The following ALPK3 variants were observed in gnomAD, a reference collection of about 807,000 sequenced individuals.
The protein encoded by ALPK3 is alpha-protein kinase 3.
ALPK3 carries 102 observed loss-of-function variants against 140.0 expected under a neutral mutation model. The observed-to-expected ratio is 0.73, with a 90% CI of 0.62 to 0.86. The LOEUF is 0.86. Ranked by LOEUF, ALPK3 falls within the 40% of genes least tolerant of loss-of-function variation. The probability of loss-of-function intolerance (pLI) is 0.00; values close to 1 mark genes in which losing one functional copy is unlikely to be tolerated. For missense variants in ALPK3, 2,254 were observed against 2,208.2 expected (o/e 1.02, Z -0.42); for synonymous variants, 938 against 898.5 (o/e 1.04, Z -0.79).
In ALPK3 at chr15:84,857,365, C is replaced by T. The variant is rs1278507679; in HGVS notation, c.2627C>T (p.Thr876Ile). 1 of 1,614,154 alleles carries T rather than the reference C, an allele frequency of 6.2e-7. No individual in the cohort carries two copies. Among genetic ancestry groups the T allele is most frequent in the Non-Finnish European group, 8.5e-7 (1 of 1,180,044 alleles). Residue 876 changes from threonine (T) to isoleucine (I), a missense_variant, in exon 6 of 14, where the codon ACA becomes ATA. This residue lies in a region of ALPK3 where 2,088 missense variants were observed against 2,022.9 expected (regional missense o/e 1.03). Transcript: ENST00000258888. ...CCTTCTCTTCCTGGAACTGGGCTGA[C>T]AGCTAGCCCAAAGGCGGGGCCGTGT... Reference protein sequence around the residue: ...TMPSLPGTGLTASPKAGPCST... With the variant: ...TMPSLPGTGLIASPKAGPCST...
rs556867900 is a variant in ALPK3 at position 84,831,384 on chromosome 15, C to T, written c.304+3779C>T. Among the ~76,000 whole-genome samples, 3 of 152,294 alleles carry T rather than the reference C, an allele frequency of 2.0e-5. No individual in the cohort carries two copies. The East Asian group carries it at 5.8e-4, about 29-fold the overall frequency. On this transcript the variant is annotated intron_variant, in intron 3 of 13. Coordinates refer to ENST00000258888, the MANE Select transcript of ALPK3 (RefSeq NM_020778.5). ...CTGTTTGGATAGCTGTTCCCCTGGT[C>T]GTGGACTTTTATTTTCTTATCCTTT...
At chr15:84,855,837 G>A (rs776740748) in intron 5 of ALPK3, among the ~76,000 whole-genome samples, 32 of 152,182 alleles carry the variant, frequency 2.1e-4, no homozygotes, top group Non-Finnish European at 4.1e-4. Context: ...TTAATTTCCT[G>A]GCATAGATGC....
intron 5 of ALPK3, among the ~76,000 whole-genome samples, chr15:84,845,118 C>A (rs1196801586): frequency 6.6e-6 from 1 of 151,506 alleles, no homozygotes. Context: ...TACCACTGAA[C>A]CTACGGTGTT....
rs1053607919 is a variant in ALPK3, at chr15:84,817,492, G to T, written c.40G>T (p.Gly14Cys). The T allele has an allele frequency of 5.5e-6, 8 of 1,445,552 alleles. No individual in the cohort carries two copies. In the African/African-American group the frequency reaches 1.2e-4, roughly 21 times the overall value. 89.5% of individuals were successfully genotyped at this position (1,445,552 alleles called of 1,614,324 possible). ...RRAPSRGWGA[G>C]GRSGAGGDGE... ...GGCCCCCAGCCGGGGCTGGGGCGCGGGTGGGCGGTCGGGGGCGGGGGGCGA... is the reference window on the plus strand; with the variant it reads ...GGCCCCCAGCCGGGGCTGGGGCGCGTGTGGGCGGTCGGGGGCGGGGGGCGA... The change falls in exon 1 of 14, where the codon GGT becomes TGT. Residue 14 changes from glycine to cysteine, a missense_variant. By Grantham distance (159) the Gly-to-Cys change is radical. Transcript: ENST00000258888.
chr15:84,849,049 G>A (rs367748898), intron 5 of ALPK3, among the ~76,000 whole-genome samples: 2 of 152,088 alleles, frequency 1.3e-5, no homozygotes, highest in East Asian at 1.9e-4. Flanking sequence ...GGCTGAAGCA[G>A]GAGAATCACT....
At chr15:84,833,957 T>TTGTATGTG (rs1555434308) in intron 3 of ALPK3, among the ~76,000 whole-genome samples, 2 of 147,228 alleles carry the variant, frequency 1.4e-5, no homozygotes, top group Non-Finnish European at 3.0e-5. Context: ...AGATTCTGTG[T>TTGTATGTG]TGTGTGTGTG....
At chr15:84,851,940 C>T (rs771608929) in intron 5 of ALPK3, among the ~76,000 whole-genome samples, 5 of 152,146 alleles carry the variant, frequency 3.3e-5, no homozygotes, top group Middle Eastern at 3.4e-3. Context: ...GCCAAATTGC[C>T]GTCTGTAGAG....
intron 6 of ALPK3, 68 bp from the exon 7 acceptor site, chr15:84,859,175 A>G: frequency 7.5e-6 from 12 of 1,595,472 alleles, no homozygotes; most frequent in Non-Finnish European, 8.5e-6. Context: ...CACCAAGGAC[A>G]CCCAGGAGAG....
intron 3 of ALPK3, among the ~76,000 whole-genome samples, chr15:84,833,901 C>G (rs780004669): frequency 2.0e-5 from 3 of 152,100 alleles, no homozygotes; most frequent in Admixed American, 2.0e-4. Context: ...AGCCTACTGT[C>G]TCCAGCACAG....
rs574251914 is a variant in ALPK3 at position 84,863,767 on chromosome 15, C to T, written c.4499+127C>T. On this transcript the variant is annotated intron_variant, in intron 11 of 13. Coordinates refer to ENST00000258888, the MANE Select transcript of ALPK3 (RefSeq NM_020778.5). ...CCCATGTGCAAATAGGCTCACAGCCCCATGCTCAGCTCAGTGGCCTCACAA... is the reference window on the plus strand; with the variant it reads ...CCCATGTGCAAATAGGCTCACAGCCTCATGCTCAGCTCAGTGGCCTCACAA... 23 of 845,036 alleles carry T rather than the reference C, an allele frequency of 2.7e-5. No individual in the cohort carries two copies. In the East Asian group the frequency reaches 6.1e-4, roughly 23 times the overall value. 52.3% of individuals were successfully genotyped at this position (845,036 alleles called of 1,614,324 possible).
chr15:84,839,209 G>A, intron 4 of ALPK3, 112 bp downstream of exon 4: 1 of 899,470 alleles, frequency 1.1e-6, no homozygotes, highest in Non-Finnish European at 1.7e-6. Context: ...CACTCTCTGG[G>A]GATGGAGGGC....
Position 84,839,947 on chromosome 15 carries a change from G to T in ALPK3, c.668G>T (p.Arg223Leu). 6.2e-7 allele frequency: 1 copy of T among 1,613,606 alleles called. No homozygotes were observed. The highest frequency in any genetic ancestry group is 8.5e-7 in the Non-Finnish European group (1 of 1,179,752). ...LRKLSPDRFQRKRRLSGAQAP... is the reference protein window; with the variant it reads ...LRKLSPDRFQLKRRLSGAQAP... ...AAGCTCAGCCCCGACCGCTTCCAGC[G>T]AAAGCGGCGATTGAGCGGGGCTCAA... Residue 223 changes from arginine (R) to leucine (L), a missense_variant, in exon 5 of 14, where the codon CGA becomes CTA. Arg to Leu is a moderately radical substitution (Grantham distance 102). This residue lies in a region of ALPK3 where 2,088 missense variants were observed against 2,022.9 expected (regional missense o/e 1.03). Transcript: ENST00000258888.
chr15:84,841,908 A>C (rs137967109), intron 5 of ALPK3, among the ~76,000 whole-genome samples: 133 of 152,358 alleles, frequency 8.7e-4, no homozygotes, highest in African/African-American at 2.8e-3. Context: ...CAGAAGGAAA[A>C]GTATTTCAAG....
In ALPK3 at chr15:84,857,326, A is replaced by T; in HGVS notation, c.2588A>T (p.Glu863Val). The change falls in exon 6 of 14, where the codon GAG becomes GTG. Residue 863 changes from glutamate (E) to valine (V), a missense_variant. Glu to Val is a moderately radical substitution (Grantham distance 121). Coordinates refer to ENST00000258888, the MANE Select transcript of ALPK3 (RefSeq NM_020778.5). ...GGCPLAGLSQ[E>V]VPTMPSLPGT... Reference sequence around the variant, plus strand: ...TGTCCTCTAGCTGGCCTGAGCCAGGAGGTACCCACGATGCCTTCTCTTCCT... The same window carrying T: ...TGTCCTCTAGCTGGCCTGAGCCAGGTGGTACCCACGATGCCTTCTCTTCCT... The T allele has an allele frequency of 1.2e-6, 2 of 1,614,136 alleles. No homozygotes were observed. Among genetic ancestry groups the T allele is most frequent in the Non-Finnish European group, 1.7e-6 (2 of 1,180,020 alleles).
chr15:84,864,015 T>C (rs190034268), intron 11 of ALPK3, among the ~76,000 whole-genome samples: 1 of 152,312 alleles, frequency 6.6e-6, no homozygotes, highest in East Asian at 1.9e-4. Flanking sequence ...GTGTGGATTT[T>C]TGTAGGAGTC....
At chr15:84,867,130 A>G (rs1308998010) in intron 12 of ALPK3, among the ~76,000 whole-genome samples, 187 bp from the exon 13 acceptor site, 2 of 151,862 alleles carry the variant, frequency 1.3e-5, no homozygotes. Flanking sequence ...ACCCATGAGA[A>G]GATGCTTGAA....
At chr15:84,855,121 C>G (rs2141566330) in intron 5 of ALPK3, among the ~76,000 whole-genome samples, 1 of 152,354 alleles carries the variant, frequency 6.6e-6, no homozygotes, top group South Asian at 2.1e-4. Context: ...TCCATTCCAT[C>G]TCCTCTCCTT....
chr15:84,866,718 A>G (rs1964007219), intron 12 of ALPK3, among the ~76,000 whole-genome samples: 1 of 152,212 alleles, frequency 6.6e-6, no homozygotes, highest in African/African-American at 2.4e-5. Context: ...TAAGTAGTGC[A>G]GAAGCCAGTC....
At chr15:84,821,858 C>T (rs1963428324) in intron 1 of ALPK3, among the ~76,000 whole-genome samples, 1 of 152,042 alleles carries the variant, frequency 6.6e-6, no homozygotes, top group Admixed American at 6.6e-5. Context: ...TTTAGTTGAG[C>T]AGTAGGAGGG....
Sources: gnomAD v4.1 joint callset for allele counts (sites outside exome capture counted in the v4.1 genomes callset) on GRCh38, gnomAD v4.1.1 for gene constraint, gnomAD v4.1.1 regional missense constraint, MANE v1.5 for transcripts, NCBI Gene and HGNC (gene_info 2026-07-23, HGNC 2026-07-21) for gene names.